TENM4: variants seen among roughly 807,000 people sequenced by gnomAD.
TENM4 encodes teneurin transmembrane protein 4.
Under a neutral mutation model 243.3 loss-of-function variants are expected in TENM4, and 82 were observed. That is an observed-to-expected ratio of 0.34 (90% CI 0.28 to 0.40). TENM4 has a LOEUF of 0.40. Ranked by LOEUF, TENM4 falls within the 10% of genes least tolerant of loss-of-function variation. The pLI is 1.00. For missense variants in TENM4, 3,138 were observed against 3,673.3 expected (o/e 0.85, Z 3.77); for synonymous variants, 1,412 against 1,456.3 (o/e 0.97, Z 0.69).
intron 25 of TENM4, among the ~76,000 whole-genome samples, chr11:78,717,688 G>A (rs1859553767): frequency 6.6e-6 from 1 of 152,186 alleles, no homozygotes; most frequent in Non-Finnish European, 1.5e-5. Flanking sequence ...GGTTCCTTTA[G>A]AAACTACTAG....
At chr11:78,727,883 G>T (rs985084859) in intron 22 of TENM4, among the ~76,000 whole-genome samples, 1 of 152,226 alleles carries the variant, frequency 6.6e-6, no homozygotes. Context: ...TAACAACTGA[G>T]CAGCTCCTTA....
chr11:79,198,536 A>G (rs1863679932), intron 3 of TENM4, among the ~76,000 whole-genome samples: 1 of 152,170 alleles, frequency 6.6e-6, no homozygotes, highest in Admixed American at 6.5e-5. Context: ...AAAATGAGAG[A>G]GAAGAAGTTA....
At chr11:79,364,208 T>A (rs1857637295) in intron 1 of TENM4, among the ~76,000 whole-genome samples, 1 of 152,162 alleles carries the variant, frequency 6.6e-6, no homozygotes, top group Non-Finnish European at 1.5e-5. Flanking sequence ...ACACACATGC[T>A]CCATAACCGC....
intron 1 of TENM4, among the ~76,000 whole-genome samples, chr11:79,372,836 G>T (rs918500950): frequency 3.4e-4 from 51 of 152,188 alleles, no homozygotes; most frequent in Non-Finnish European, 7.1e-4. Context: ...ACATAAGGGA[G>T]ATGGATGGCA....
chr11:79,214,799 G>A (rs488492), intron 3 of TENM4, among the ~76,000 whole-genome samples: 1 of 152,022 alleles, frequency 6.6e-6, no homozygotes, highest in East Asian at 1.9e-4. Flanking sequence ...GAGACCAAAG[G>A]GGCCAATCAT....
intron 6 of TENM4, among the ~76,000 whole-genome samples, chr11:78,955,209 A>T (rs931231236): frequency 6.6e-5 from 10 of 152,232 alleles, no homozygotes; most frequent in African/African-American, 2.4e-4. Flanking sequence ...TCACATGGAC[A>T]CAGTGTTCAC....
At chr11:79,205,192 T>C (rs1044131376) in intron 3 of TENM4, among the ~76,000 whole-genome samples, 34 of 152,148 alleles carry the variant, frequency 2.2e-4, no homozygotes, top group Non-Finnish European at 5.0e-4. Flanking sequence ...TCACATGCAG[T>C]TTTAAGAAAC....
intron 4 of TENM4, among the ~76,000 whole-genome samples, chr11:79,143,547 G>A (rs190633221): frequency 1.3e-3 from 198 of 151,998 alleles, no homozygotes; most frequent in Non-Finnish European, 1.5e-3. Flanking sequence ...GAGTGGGGAG[G>A]GATAGCATTA....
chr11:79,308,264 T>C (rs1291898186), intron 1 of TENM4, among the ~76,000 whole-genome samples: 1 of 152,232 alleles, frequency 6.6e-6, no homozygotes, highest in Non-Finnish European at 1.5e-5. Context: ...TCTAAATTCA[T>C]AAAATGAAAA....
intron 2 of TENM4, among the ~76,000 whole-genome samples, chr11:79,227,964 C>T (rs1316307237): frequency 6.6e-6 from 1 of 152,108 alleles, no homozygotes; most frequent in Non-Finnish European, 1.5e-5. Flanking sequence ...TCCTTCTAAA[C>T]CCAGTGGGTG....
At chr11:78,775,112 T>G (rs2136004427) in intron 17 of TENM4, among the ~76,000 whole-genome samples, 1 of 152,330 alleles carries the variant, frequency 6.6e-6, no homozygotes, top group Middle Eastern at 3.4e-3. Flanking sequence ...ATCAATATAT[T>G]AAAGGCTCCA....
At chr11:78,903,125 C>G in intron 7 of TENM4, 143 bp downstream of exon 7, 6 of 1,204,064 alleles carry the variant, frequency 5.0e-6, no homozygotes, top group Non-Finnish European at 6.5e-6. Flanking sequence ...GTCAGGGAAC[C>G]GCATCCCTAA....
intron 4 of TENM4, among the ~76,000 whole-genome samples, chr11:79,072,443 T>C (rs1314466531): frequency 6.6e-6 from 1 of 150,812 alleles, no homozygotes; most frequent in Non-Finnish European, 1.5e-5. Context: ...GCTGTGATGG[T>C]ACCACTGTAC....
At position 79,069,885 on chromosome 11, in the gene TENM4, G is replaced by T; in HGVS notation, c.60C>A (p.Arg20=). Residue 20 remains arginine, a synonymous_variant, in exon 5 of 34, where the codon CGC becomes CGA. Transcript: ENST00000278550. ...RSLTRRRDAE[R]RYTSSSADSE... ...TGTCCGCGGACGAGCTGGTGTAGCG[G>T]CGCTCGGCGTCGCGGCGCCGGGTCA... 6.5e-7 allele frequency: 1 copy of T among 1,549,114 alleles called. No homozygotes were observed.
chr11:78,871,671 T>A (rs1472793216), intron 9 of TENM4, among the ~76,000 whole-genome samples: 1 of 152,184 alleles, frequency 6.6e-6, no homozygotes. Flanking sequence ...GCCATCCTCA[T>A]TGCTTGTTCT....
intron 25 of TENM4, among the ~76,000 whole-genome samples, chr11:78,718,176 C>A (rs772952086): frequency 6.6e-6 from 1 of 152,116 alleles, no homozygotes; most frequent in Non-Finnish European, 1.5e-5. Flanking sequence ...GACACTGAAG[C>A]CCAGAGAGAG....
In TENM4 at chr11:78,669,622, G is replaced by A. The variant is rs1858259292; in HGVS notation, c.6723C>T (p.Ile2241=). 6.2e-7 allele frequency: 1 copy of A among 1,613,976 alleles called. No homozygotes were observed. The highest frequency in any genetic ancestry group is 8.5e-7 in the Non-Finnish European group (1 of 1,179,892). The change falls in exon 32 of 34, where the codon ATC becomes ATT. Residue 2241 remains isoleucine (I), a synonymous_variant. Coordinates refer to ENST00000278550, the MANE Select transcript of TENM4 (RefSeq NM_001098816.3). The surrounding 1 kb of genome is among the most constrained non-coding windows in gnomAD (Gnocchi z 6.4). ...SARLTPLRYD[I]RDRITRLGDV... ...CACCCAGCCGAGTGATGCGGTCGCG[G>A]ATGTCATACCGTAGTGGTGTGAGCC...
intron 3 of TENM4, among the ~76,000 whole-genome samples, chr11:79,187,607 A>G (rs1487392516): frequency 6.6e-6 from 1 of 152,240 alleles, no homozygotes; most frequent in African/African-American, 2.4e-5. Context: ...TATGAGATGA[A>G]TGGTGCCTCC....
chr11:78,799,489 G>A (rs1036912939), intron 15 of TENM4, among the ~76,000 whole-genome samples: 1 of 152,204 alleles, frequency 6.6e-6, no homozygotes, highest in Non-Finnish European at 1.5e-5. Flanking sequence ...ATCTAATCAT[G>A]CATTCTAAAA....
Sources: gnomAD v4.1 joint callset for allele counts (sites outside exome capture counted in the v4.1 genomes callset) on GRCh38, gnomAD v4.1.1 for gene constraint, Gnocchi (gnomAD v3.1) non-coding constraint, MANE v1.5 for transcripts, NCBI Gene and HGNC (gene_info 2026-07-23, HGNC 2026-07-21) for gene names.